The following FHIT variants were observed in gnomAD, a reference collection of about 807,000 sequenced individuals.
FHIT encodes the protein bis(5'-adenosyl)-triphosphatase.
A neutral mutation model predicts 17.9 loss-of-function variants in FHIT; 19 were observed. That is an observed-to-expected ratio of 1.06 (90% CI 0.74 to 1.56). The LOEUF is 1.56. FHIT is among the 40% of genes most tolerant of loss of function. FHIT has a pLI of 0.00. For missense variants in FHIT, 248 were observed against 189.2 expected, an observed-to-expected ratio of 1.31 and a Z score of -1.82; for synonymous variants, 81 against 69.7, an observed-to-expected ratio of 1.16 and a Z score of -0.81.
rs191503360 is a variant in FHIT, at chr3:59,777,410, C to A, written c.349-25089G>T. Reference sequence around the variant, plus strand: ...AAACCCCTGACTTGTAACTCTCCTACCCTACTTCAGTCTGTAAAGTAAATA... The same window carrying A: ...AAACCCCTGACTTGTAACTCTCCTAACCTACTTCAGTCTGTAAAGTAAATA... On this transcript the variant is annotated intron_variant, in intron 8 of 9. Coordinates refer to ENST00000492590, the MANE Select transcript of FHIT (RefSeq NM_002012.4). 2.0e-5 allele frequency among the ~76,000 whole-genome samples: 3 copies of A among 152,220 alleles called. No homozygotes were observed. The South Asian group carries it at 6.2e-4, about 32-fold the overall frequency.
chr3:59,813,398 T>C (rs564481392), intron 8 of FHIT, among the ~76,000 whole-genome samples: 3 of 152,296 alleles, frequency 2.0e-5, no homozygotes, highest in Admixed American at 2.0e-4. Context: ...CTCGCATTCT[T>C]TCCTGCCAGC....
chr3:60,064,789 T>C (rs73842021), intron 5 of FHIT, among the ~76,000 whole-genome samples: 4,162 of 152,328 alleles, frequency 0.027, 160 homozygotes, highest in African/African-American at 0.093. Flanking sequence ...TTAACCATTT[T>C]CACAGTTATC....
chr3:60,236,978 T>C (rs191666577), intron 5 of FHIT, among the ~76,000 whole-genome samples: 10 of 152,280 alleles, frequency 6.6e-5, no homozygotes, highest in African/African-American at 2.2e-4. Context: ...CAGAGATAGA[T>C]AGTCCCAGAT....
intron 5 of FHIT, among the ~76,000 whole-genome samples, chr3:60,410,450 T>C (rs1330145440): frequency 6.6e-6 from 1 of 152,208 alleles, no homozygotes; most frequent in Non-Finnish European, 1.5e-5. Context: ...TAATAAATTC[T>C]CACAAGGTTT....
intron 4 of FHIT, among the ~76,000 whole-genome samples, chr3:60,660,768 T>A (rs1043359974): frequency 1.5e-5 from 2 of 129,770 alleles, no homozygotes; most frequent in Admixed American, 8.4e-5. Flanking sequence ...GCCATTCTCT[T>A]CAGTGAAATG....
intron 5 of FHIT, among the ~76,000 whole-genome samples, chr3:60,017,304 G>A (rs371783579): frequency 7.9e-5 from 12 of 152,184 alleles, no homozygotes; most frequent in African/African-American, 2.2e-4. Context: ...CCTCAGCACT[G>A]GGCAGTGAGT....
intron 8 of FHIT, among the ~76,000 whole-genome samples, chr3:59,916,636 T>G (rs1705148354): frequency 6.6e-6 from 1 of 152,174 alleles, no homozygotes; most frequent in Non-Finnish European, 1.5e-5. Flanking sequence ...ACATAGAGAT[T>G]TAGCTCAGTA....
intron 5 of FHIT, among the ~76,000 whole-genome samples, chr3:60,118,618 G>A (rs1705091317): frequency 6.6e-6 from 1 of 151,972 alleles, no homozygotes; most frequent in African/African-American, 2.4e-5. Flanking sequence ...AGGTCACACA[G>A]TGAATTAACA....
At chr3:60,873,470 T>C (rs1704506569) in intron 3 of FHIT, among the ~76,000 whole-genome samples, 1 of 152,208 alleles carries the variant, frequency 6.6e-6, no homozygotes, top group South Asian at 2.1e-4. Context: ...ACAGGTTCCT[T>C]TGTTGCTTTG....
At chr3:60,368,580 G>T (rs551566171) in intron 5 of FHIT, among the ~76,000 whole-genome samples, 1 of 151,886 alleles carries the variant, frequency 6.6e-6, no homozygotes, top group Non-Finnish European at 1.5e-5. Flanking sequence ...TCTTTTGTCA[G>T]ATATATATAT....
intron 4 of FHIT, among the ~76,000 whole-genome samples, chr3:60,730,844 C>T (rs1161915597): frequency 1.3e-5 from 2 of 151,914 alleles, no homozygotes; most frequent in Non-Finnish European, 2.9e-5. Flanking sequence ...AGGCCAAGTG[C>T]AGTGGCTCAC....
chr3:60,629,204 G>A (rs1449317955), intron 4 of FHIT, among the ~76,000 whole-genome samples: 2 of 152,142 alleles, frequency 1.3e-5, no homozygotes, highest in African/African-American at 2.4e-5. Context: ...ACTGGAAGCT[G>A]AGGGGAAAGG....
At chr3:60,151,947 C>G (rs879514679) in intron 5 of FHIT, among the ~76,000 whole-genome samples, 1 of 152,056 alleles carries the variant, frequency 6.6e-6, no homozygotes, top group Non-Finnish European at 1.5e-5. Context: ...AAATATAATC[C>G]CTATGGGCAC....
chr3:60,769,682 G>A lies in FHIT; in HGVS notation c.-18+52237C>T, dbSNP rs548340832. ...AAACAGTGAGATTGGTTACAGCTCA[G>A]TGTTTGCCTTGTGTGAACGCAGTTT... is the stretch of plus-strand genomic sequence containing the variant. On this transcript the variant is annotated intron_variant, in intron 4 of 9. Transcript: ENST00000492590. Among the ~76,000 whole-genome samples the A allele has an allele frequency of 4.0e-4, 61 of 152,352 alleles. 1 individual carries two copies. The highest frequency in any genetic ancestry group is 3.4e-3 in the Middle Eastern group (1 of 294).
intron 1 of FHIT, among the ~76,000 whole-genome samples, chr3:61,229,008 A>T (rs939394363): frequency 2.6e-5 from 4 of 152,240 alleles, no homozygotes; most frequent in African/African-American, 9.6e-5. Context: ...AAGATACTGT[A>T]GAGTAGAGCA....
At chr3:61,043,865 A>G (rs532687825) in intron 2 of FHIT, among the ~76,000 whole-genome samples, 1 of 152,332 alleles carries the variant, frequency 6.6e-6, no homozygotes, top group South Asian at 2.1e-4. Flanking sequence ...CCAGGCAAAC[A>G]GGGTCTGGAG....
At chr3:59,983,112 T>C (rs1708728267) in intron 7 of FHIT, among the ~76,000 whole-genome samples, 1 of 151,910 alleles carries the variant, frequency 6.6e-6, no homozygotes, top group Non-Finnish European at 1.5e-5. Flanking sequence ...CTAATATTTG[T>C]ATTTTTTGTA....
Position 60,319,720 on chromosome 3 carries a change from G to A in FHIT, c.103+217140C>T, listed in dbSNP as rs114785804. ...ACCGCACAAATAAAGTGATCACCGT[G>A]GAAGCTTCCAGAGACACTGAGGGGG... is the stretch of plus-strand genomic sequence containing the variant. On this transcript the variant is annotated intron_variant, in intron 5 of 9. Transcript: ENST00000492590. 8.4e-3 allele frequency among the ~76,000 whole-genome samples: 1,277 copies of A among 152,220 alleles called. 20 individuals carry two copies. Among genetic ancestry groups the A allele is most frequent in the African/African-American group, 0.028 (1,181 of 41,538 alleles).
At chr3:60,712,373 A>G (rs1232178417) in intron 4 of FHIT, among the ~76,000 whole-genome samples, 3 of 152,146 alleles carry the variant, frequency 2.0e-5, no homozygotes, top group South Asian at 2.1e-4. Flanking sequence ...ATCAACTAAC[A>G]AGCAAAATAA....
Sources: allele counts gnomAD v4.1 joint callset (sites outside exome capture counted in the v4.1 genomes callset), GRCh38; gene constraint gnomAD v4.1.1; transcripts MANE v1.5; gene names NCBI Gene and HGNC (gene_info 2026-07-23, HGNC 2026-07-21).